RBFOX3: variants seen among roughly 807,000 people sequenced by gnomAD.
The protein encoded by RBFOX3 is RNA binding fox-1 homolog 3, also known as RNA binding protein fox-1 homolog 3.
In RBFOX3, 17 loss-of-function variants were observed where a neutral mutation model predicts 48.7. The ratio of observed to expected loss-of-function variants is 0.35; its 90% CI spans 0.24 to 0.52. The LOEUF (loss-of-function observed/expected upper bound fraction) is 0.52. Ranked by LOEUF, RBFOX3 falls within the 20% of genes least tolerant of loss-of-function variation. The probability of loss-of-function intolerance (pLI) is 0.94; values close to 1 mark genes in which losing one functional copy is unlikely to be tolerated. For missense variants in RBFOX3, 382 were observed against 497.5 expected (o/e 0.77, Z 2.21); for synonymous variants, 212 against 209.5 (o/e 1.01, Z -0.10).
intron 2 of RBFOX3, among the ~76,000 whole-genome samples, chr17:79,429,495 C>T (rs1555727317): frequency 6.6e-6 from 1 of 152,120 alleles, no homozygotes; most frequent in East Asian, 1.9e-4. Context: ...ATGCCGTGGA[C>T]TGGGCCAGGG....
chr17:79,517,766 A>C (rs2085464827), intron 1 of RBFOX3, among the ~76,000 whole-genome samples: 1 of 152,184 alleles, frequency 6.6e-6, no homozygotes. Context: ...CATTTCGGTA[A>C]CATCGACGGA....
chr17:79,382,311 C>T (rs963067824), intron 2 of RBFOX3, among the ~76,000 whole-genome samples: 5 of 152,242 alleles, frequency 3.3e-5, no homozygotes, highest in African/African-American at 1.2e-4. Flanking sequence ...TCCACTGCAT[C>T]CCTGCAGGGA....
chr17:79,593,626 G>A (rs966744048), intron 1 of RBFOX3, among the ~76,000 whole-genome samples: 143 of 152,326 alleles, frequency 9.4e-4, no homozygotes, highest in East Asian at 5.8e-4. Flanking sequence ...TCTGAGGACC[G>A]GAGTGGCCTC....
intron 4 of RBFOX3, among the ~76,000 whole-genome samples, chr17:79,147,562 G>A (rs1027828856): frequency 6.6e-6 from 1 of 152,164 alleles, no homozygotes; most frequent in South Asian, 2.1e-4. Flanking sequence ...GGGAGGGGGG[G>A]GGCTCACCTT....
At chr17:79,572,170 C>T (rs980549274) in intron 1 of RBFOX3, among the ~76,000 whole-genome samples, 5 of 152,268 alleles carry the variant, frequency 3.3e-5, no homozygotes, top group South Asian at 2.1e-4. Flanking sequence ...GGCTGGGATT[C>T]AGGTCCCCCT....
chr17:79,351,314 G>A (rs1441676398), intron 2 of RBFOX3, among the ~76,000 whole-genome samples: 2 of 152,194 alleles, frequency 1.3e-5, no homozygotes, highest in Non-Finnish European at 2.9e-5. Flanking sequence ...GCTCTGTATA[G>A]CTTTTTGAGA....
intron 4 of RBFOX3, among the ~76,000 whole-genome samples, chr17:79,229,154 G>A (rs1053075087): frequency 7.5e-5 from 11 of 146,256 alleles, no homozygotes; most frequent in Admixed American, 3.4e-4. Flanking sequence ...GCTTGAGCAC[G>A]GTAGGCAGAG....
At position 79,249,893 on chromosome 17, in the gene RBFOX3, T is replaced by C. The variant is rs1210429965; in HGVS notation, c.-73-14088A>G. Among the ~76,000 whole-genome samples the C allele has an allele frequency of 6.6e-6, 1 of 152,156 alleles. No homozygotes were observed. The highest frequency in any genetic ancestry group is 1.9e-4 in the East Asian group (1 of 5,190). On this transcript the variant is annotated intron_variant, in intron 3 of 14. Coordinates refer to ENST00000693108, the MANE Select transcript of RBFOX3 (RefSeq NM_001350451.2). This position sits in a 1 kb window ranked among gnomAD's most constrained non-coding sequence, Gnocchi z 4.1. ...GTCTTTTTTACCCCATTAAAACAAA[T>C]TCCAGGTATCCTTAGATCCCCACCA...
chr17:79,360,219 CCCA>C (rs2086044840), intron 2 of RBFOX3, among the ~76,000 whole-genome samples: 2 of 152,110 alleles, frequency 1.3e-5, no homozygotes, highest in Admixed American at 1.3e-4. Context: ...AGCCCAGCTT[CCCA>C]CCCTTACAAC....
At chr17:79,506,093 A>G (rs1231063428) in intron 1 of RBFOX3, among the ~76,000 whole-genome samples, 1 of 152,238 alleles carries the variant, frequency 6.6e-6, no homozygotes, top group African/African-American at 2.4e-5. Flanking sequence ...CAGAGAAGTA[A>G]GCGTTTGAGG....
At chr17:79,413,582 G>A (rs1182736982) in intron 2 of RBFOX3, among the ~76,000 whole-genome samples, 4 of 152,260 alleles carry the variant, frequency 2.6e-5, no homozygotes, top group African/African-American at 9.6e-5. Flanking sequence ...TTTCCACCTG[G>A]AGCGTGGAGA....
intron 2 of RBFOX3, among the ~76,000 whole-genome samples, chr17:79,456,727 AC>A (rs1366332832): frequency 1.3e-5 from 2 of 151,370 alleles, no homozygotes; most frequent in African/African-American, 4.9e-5. Context: ...ATTGATTCAA[AC>A]CCCCCAGGGC....
intron 1 of RBFOX3, among the ~76,000 whole-genome samples, chr17:79,511,989 C>T (rs1332350670): frequency 0.014 from 2,075 of 144,390 alleles, 11 homozygotes; most frequent in Middle Eastern, 0.039. Flanking sequence ...ATGTTACCAT[C>T]GGGTACAGCC....
chr17:79,125,676 C>T (rs899728909), intron 4 of RBFOX3, among the ~76,000 whole-genome samples: 3 of 152,254 alleles, frequency 2.0e-5, no homozygotes, highest in Admixed American at 2.0e-4. Context: ...CTCTCAGGCC[C>T]TCCAGGACAA....
At chr17:79,215,331 G>A (rs1241329544) in intron 4 of RBFOX3, among the ~76,000 whole-genome samples, 1 of 152,224 alleles carries the variant, frequency 6.6e-6, no homozygotes, top group African/African-American at 2.4e-5. Context: ...GAGTCACACT[G>A]GTTTCCAGAC....
At chr17:79,238,842 G>A (rs544628195) in intron 3 of RBFOX3, among the ~76,000 whole-genome samples, 1 of 152,202 alleles carries the variant, frequency 6.6e-6, no homozygotes, top group Non-Finnish European at 1.5e-5. Context: ...AATCACCAAA[G>A]AGTCCCCATT....
chr17:79,092,957 A>AGGG (rs55907503), intron 14 of RBFOX3, among the ~76,000 whole-genome samples: 24 of 152,006 alleles, frequency 1.6e-4, no homozygotes, highest in African/African-American at 5.6e-4. Flanking sequence ...CCTTATGCAG[A>AGGG]GGGGGGGTCC....
chr17:79,131,295 T>C (rs2038842907), intron 4 of RBFOX3, among the ~76,000 whole-genome samples: 1 of 152,110 alleles, frequency 6.6e-6, no homozygotes, highest in Non-Finnish European at 1.5e-5. Flanking sequence ...GTGTATTCCA[T>C]GTGCCCTCCG....
At chr17:79,460,112 G>A (rs1714166429) in intron 2 of RBFOX3, among the ~76,000 whole-genome samples, 1 of 152,180 alleles carries the variant, frequency 6.6e-6, no homozygotes, top group African/African-American at 2.4e-5. Context: ...AGGGGATGGG[G>A]AGAGGCTGCT....
Sources: allele counts gnomAD v4.1 joint callset (sites outside exome capture counted in the v4.1 genomes callset), GRCh38; gene constraint gnomAD v4.1.1; non-coding constraint Gnocchi (gnomAD v3.1); transcripts MANE v1.5; gene names NCBI Gene and HGNC (gene_info 2026-07-23, HGNC 2026-07-21).